The following KIAA1671 variants were observed in gnomAD, a reference collection of about 807,000 sequenced individuals.
KIAA1671 encodes the protein uncharacterized protein KIAA1671.
KIAA1671 carries 52 observed loss-of-function variants against 131.2 expected under a neutral mutation model. The observed-to-expected ratio is 0.40, with a 90% confidence interval of 0.32 to 0.50. KIAA1671 has a LOEUF of 0.50. KIAA1671 is among the 20% of genes least tolerant of loss of function. The pLI is 0.73. For synonymous variants in KIAA1671, 1,003 were observed against 961.6 expected, an observed-to-expected ratio of 1.04 and a Z score of -0.80; for missense variants, 2,360 against 2,364.2, an observed-to-expected ratio of 1.00 and a Z score of 0.04.
At position 25,067,640 on chromosome 22, in the gene KIAA1671, C is replaced by T. The variant is rs1290551177; in HGVS notation, c.4530+18276C>T. Among the ~76,000 whole-genome samples the T allele has an allele frequency of 2.0e-5, 3 of 152,234 alleles. No individual in the cohort carries two copies. The South Asian group carries it at 6.2e-4, about 32-fold the overall frequency. On this transcript the variant is annotated intron_variant, in intron 6 of 12. Coordinates refer to ENST00000358431, the MANE Select transcript of KIAA1671 (RefSeq NM_001145206.2). ...CTCTGCCCTGCGCCTGGCCTGCCAT[C>T]CTCTCTTCCTCTCTCCATCCCGCCT...
intron 2 of KIAA1671, among the ~76,000 whole-genome samples, chr22:25,027,032 A>G (rs1925983326): frequency 6.6e-6 from 1 of 152,226 alleles, no homozygotes; most frequent in Non-Finnish European, 1.5e-5. Context: ...GATGAGATGT[A>G]TAAAACACAA....
At chr22:25,169,582 A>G (rs1399396661) in intron 6 of KIAA1671, among the ~76,000 whole-genome samples, 2 of 152,218 alleles carry the variant, frequency 1.3e-5, no homozygotes, top group Non-Finnish European at 2.9e-5. Context: ...ACAAAGCACA[A>G]GCCTAAGTGG....
chr22:25,009,962 T>G (rs1270586891), intron 1 of KIAA1671: 2 of 152,222 alleles, frequency 1.3e-5, no homozygotes, highest in Admixed American at 6.5e-5. Context: ...CAGTATCTGC[T>G]TACCCATTTG....
In KIAA1671 at chr22:25,093,826, CTCTCTCTGTCTG is replaced by C. The variant is rs1170201580; in HGVS notation, c.4530+44470_4530+44481del. On this transcript the variant is annotated intron_variant, in intron 6 of 12. Coordinates refer to ENST00000358431, the MANE Select transcript of KIAA1671 (RefSeq NM_001145206.2). ...TCTCTCTCTCTGTCTCTCTCTCTTT[CTCTCTCTGTCTG>C]TCTCTCTCTCTCTCTCTCTCTCTCT... 2.0e-3 allele frequency among the ~76,000 whole-genome samples: 182 copies of C among 89,330 alleles called. 25 individuals carry two copies. Among genetic ancestry groups the C allele is most frequent in the South Asian group, 5.7e-3 (12 of 2,120 alleles). The allele number at this position is 89,330 out of a possible 152,430, so 58.6% of individuals were successfully genotyped here.
chr22:25,025,166 C>CACTTGGT (rs1925873785), intron 1 of KIAA1671, among the ~76,000 whole-genome samples: 1 of 149,358 alleles, frequency 6.7e-6, no homozygotes, highest in Non-Finnish European at 1.5e-5. Flanking sequence ...CCAAGTGAGT[C>CACTTGGT]AGCACCTCGA....
chr22:25,157,639 C>T (rs1268092993), intron 6 of KIAA1671, among the ~76,000 whole-genome samples: 1 of 152,078 alleles, frequency 6.6e-6, no homozygotes, highest in Admixed American at 6.6e-5. Flanking sequence ...TGTCTATCTC[C>T]ATGCAAGAGT....
intron 6 of KIAA1671, among the ~76,000 whole-genome samples, chr22:25,137,865 G>T (rs1285898483): frequency 6.6e-6 from 1 of 152,226 alleles, no homozygotes; most frequent in East Asian, 1.9e-4. Flanking sequence ...GAGGCCCAGA[G>T]AGGTTAAGTG....
At chr22:25,148,212 A>G (rs1932926391) in intron 6 of KIAA1671, among the ~76,000 whole-genome samples, 1 of 147,206 alleles carries the variant, frequency 6.8e-6, no homozygotes, top group African/African-American at 2.5e-5. Flanking sequence ...CACCCCCCTC[A>G]GTCCCAGCCC....
At chr22:24,982,204 T>C (rs1473541616) in intron 1 of KIAA1671, among the ~76,000 whole-genome samples, 1 of 152,200 alleles carries the variant, frequency 6.6e-6, no homozygotes, top group African/African-American at 2.4e-5. Context: ...TTACTGTCAA[T>C]TGATAACACC....
intron 6 of KIAA1671, among the ~76,000 whole-genome samples, chr22:25,121,387 G>T (rs920168365): frequency 1.4e-4 from 21 of 151,854 alleles, no homozygotes; most frequent in African/African-American, 4.1e-4. Context: ...GCATGAACCT[G>T]GGGGGCGGAG....
At chr22:25,007,254 G>A (rs5760795) in intron 1 of KIAA1671, among the ~76,000 whole-genome samples, 72 of 152,236 alleles carry the variant, frequency 4.7e-4, no homozygotes, top group African/African-American at 1.5e-3. Context: ...TTGGGAGGCC[G>A]AGGCGGGCGG....
At chr22:25,093,160 A>T (rs1930105717) in intron 6 of KIAA1671, among the ~76,000 whole-genome samples, 1 of 152,212 alleles carries the variant, frequency 6.6e-6, no homozygotes, top group South Asian at 2.1e-4. Flanking sequence ...CTACAAAGCA[A>T]TCGCTATTGT....
chr22:25,093,809 TCTGTCTCTCTCTCTTTCTCTCTCTGTCTG>T, intron 6 of KIAA1671, among the ~76,000 whole-genome samples: 1 of 131,808 alleles, frequency 7.6e-6, no homozygotes, highest in Non-Finnish European at 1.6e-5. Context: ...TCTCTCTCTC[TCTGTCTCTCTCTCTTTCTCTCTCTGTCTG>T]TCTCTCTCTC....
intron 6 of KIAA1671, among the ~76,000 whole-genome samples, chr22:25,093,778 C>CTG (rs1568951223): frequency 8.5e-6 from 1 of 117,584 alleles, no homozygotes; most frequent in African/African-American, 3.2e-5. Flanking sequence ...GTCTCTCTCT[C>CTG]TCTCTCTCTC....
chr22:25,007,193 G>T (rs868330877), intron 1 of KIAA1671, among the ~76,000 whole-genome samples: 4 of 152,004 alleles, frequency 2.6e-5, no homozygotes, highest in South Asian at 4.2e-4. Flanking sequence ...GAGTTACAAG[G>T]TCTGCTAGTG....
At chr22:25,141,424 G>C (rs888735893) in intron 6 of KIAA1671, among the ~76,000 whole-genome samples, 1 of 151,958 alleles carries the variant, frequency 6.6e-6, no homozygotes, top group African/African-American at 2.4e-5. Context: ...AGTAGAGACG[G>C]GGTTTCACCG....
At chr22:25,020,851 CATT>C in intron 1 of KIAA1671, among the ~76,000 whole-genome samples, 1 of 152,216 alleles carries the variant, frequency 6.6e-6, no homozygotes, top group African/African-American at 2.4e-5. Context: ...TGGTGTCAGT[CATT>C]ATAATGAAGC....
chr22:25,159,013 C>T (rs1371982915), intron 6 of KIAA1671, among the ~76,000 whole-genome samples: 1 of 152,232 alleles, frequency 6.6e-6, no homozygotes, highest in East Asian at 1.9e-4. Context: ...TTCTTATTGC[C>T]TCCCTGCCTA....
At chr22:24,970,740 A>AC (rs921473221) in intron 1 of KIAA1671, among the ~76,000 whole-genome samples, 5 of 150,104 alleles carry the variant, frequency 3.3e-5, no homozygotes, top group African/African-American at 4.9e-5. Flanking sequence ...TAAAAAAAAA[A>AC]ACAAAACAAA....
Sources: allele counts gnomAD v4.1 joint callset (sites outside exome capture counted in the v4.1 genomes callset), GRCh38; gene constraint gnomAD v4.1.1; transcripts MANE v1.5; gene names NCBI Gene and HGNC (gene_info 2026-07-23, HGNC 2026-07-21).